The following SHISA5 variants were observed in gnomAD, a reference collection of about 807,000 sequenced individuals.
SHISA5 encodes the protein shisa family member 5, also known as protein shisa-5.
SHISA5 carries 21 observed loss-of-function variants against 27.5 expected under a neutral mutation model. That is an observed-to-expected ratio of 0.76 (90% CI 0.54 to 1.10). The LOEUF (loss-of-function observed/expected upper bound fraction) is 1.10. Ranked by LOEUF, SHISA5 falls within the 50% of genes least tolerant of loss-of-function variation. The pLI is 0.00. For missense variants in SHISA5, 314 were observed against 336.3 expected (o/e 0.93, Z 0.52); for synonymous variants, 137 against 142.2 (o/e 0.96, Z 0.26).
At chr3:48,503,275 A>C in intron 1 of SHISA5, 1 of 869,280 alleles carries the variant, frequency 1.2e-6, no homozygotes, top group Non-Finnish European at 1.7e-6. Flanking sequence ...TGAATCAGTG[A>C]CCGACCCTCC....
intron 2 of SHISA5, among the ~76,000 whole-genome samples, chr3:48,480,251 C>A (rs141763798): frequency 1.2e-3 from 174 of 146,772 alleles, no homozygotes; most frequent in Admixed American, 2.6e-3. Context: ...ACAACAACAA[C>A]AAAAAACTCC....
chr3:48,472,930 C>T (rs1252373957), intron 3 of SHISA5: 82 of 1,380,012 alleles, frequency 5.9e-5, no homozygotes, highest in Middle Eastern at 1.8e-4. Flanking sequence ...GACATGCGAC[C>T]GCAAGGCCGT....
rs745439064 is a variant in SHISA5, at chr3:48,501,306, A to G, written c.77-13T>C. The G allele has an allele frequency of 1.8e-5, 29 of 1,612,334 alleles. No homozygotes were observed. The Admixed American group carries it at 4.8e-4, about 27-fold the overall frequency. On this transcript the variant is annotated splice_polypyrimidine_tract_variant and intron_variant, in intron 1 of 5. Coordinates refer to ENST00000296444, the MANE Select transcript of SHISA5 (RefSeq NM_016479.6). ...ACCTCACCACGTGCTGGAGAGGAGA[A>G]ACACATCTGTTCACCTGTGCCCACG...
chr3:48,491,091 CG>C (rs1437788783), intron 2 of SHISA5, among the ~76,000 whole-genome samples: 2 of 104,382 alleles, frequency 1.9e-5, no homozygotes, highest in Admixed American at 1.4e-4. Flanking sequence ...CCCTTTGAGT[CG>C]TCCCACCTTT....
chr3:48,477,106 A>G (rs775307942), intron 3 of SHISA5: 5 of 354,782 alleles, frequency 1.4e-5, no homozygotes, highest in South Asian at 8.7e-5. Flanking sequence ...AACATTGAGA[A>G]AAAAAAAAAA....
At chr3:48,501,575 G>C (rs530678877) in intron 1 of SHISA5, among the ~76,000 whole-genome samples, 2 of 152,118 alleles carry the variant, frequency 1.3e-5, no homozygotes, top group African/African-American at 2.4e-5. Flanking sequence ...ATGTGAGTCT[G>C]ATGGGGCCAC....
chr3:48,500,085 G>T (rs2041709902), intron 2 of SHISA5, among the ~76,000 whole-genome samples: 1 of 151,986 alleles, frequency 6.6e-6, no homozygotes, highest in Admixed American at 6.6e-5. Context: ...CTCCATAAAA[G>T]GAGGTATACC....
chr3:48,482,965 C>A (rs2041071350), intron 2 of SHISA5, among the ~76,000 whole-genome samples: 1 of 152,130 alleles, frequency 6.6e-6, no homozygotes, highest in African/African-American at 2.4e-5. Flanking sequence ...TCATCTGTCA[C>A]CCAGGCTGGA....
intron 2 of SHISA5, among the ~76,000 whole-genome samples, chr3:48,496,728 C>T (rs1404104502): frequency 4.1e-5 from 6 of 146,708 alleles, no homozygotes; most frequent in Admixed American, 6.9e-5. Context: ...AGCTAGACTT[C>T]GTCTCAAAAA....
At chr3:48,478,193 G>T (rs2040885520) in intron 3 of SHISA5, among the ~76,000 whole-genome samples, 1 of 152,172 alleles carries the variant, frequency 6.6e-6, no homozygotes, top group South Asian at 2.1e-4. Context: ...GGAGGGGAAG[G>T]CCTGTAGAGA....
chr3:48,504,182 T>TCGCCC (rs761324745), upstream of SHISA5: 67 of 546,858 alleles, frequency 1.2e-4, no homozygotes, highest in East Asian at 1.6e-3. The surrounding 1 kb of genome is among the most constrained non-coding windows in gnomAD (Gnocchi z 4.0). Context: ...CCCCTCTCCC[T>TCGCCC]CGCCCCGCCC....
chr3:48,469,395 G>A lies in SHISA5; in HGVS notation c.609C>T (p.Pro203=), dbSNP rs142212442. 2.5e-6 allele frequency: 4 copies of A among 1,602,826 alleles called. No individual in the cohort carries two copies. Among genetic ancestry groups the A allele is most frequent in the Non-Finnish European group, 3.4e-6 (4 of 1,172,824 alleles). Residue 203 remains proline, a synonymous_variant, in exon 5 of 6, where the codon CCC becomes CCT. Transcript: ENST00000296444. This position sits in a 1 kb window ranked among gnomAD's most constrained non-coding sequence, Gnocchi z 4.6. ...TCTCGTGGTAGGCCGGTGGGCCCAT[G>A]GGCTGGGCTGGGTAAGGTGGTGGGT... ...MQYPPPYPAQ[P]MGPPAYHETL... is the part of the protein sequence containing the mutation.
intron 3 of SHISA5, among the ~76,000 whole-genome samples, chr3:48,477,765 C>G (rs771266267): frequency 1.1e-4 from 16 of 152,204 alleles, no homozygotes; most frequent in Non-Finnish European, 2.2e-4. Flanking sequence ...CAGTGTCCAG[C>G]CCCTGCTCCT....
chr3:48,479,029 A>C (rs911425588), intron 3 of SHISA5, 148 bp downstream of exon 3: 1 of 690,324 alleles, frequency 1.4e-6, no homozygotes, highest in African/African-American at 1.8e-5. Flanking sequence ...ATAAGGAGCA[A>C]GTGTCCTAGT....
At chr3:48,478,636 C>T (rs1363891476) in intron 3 of SHISA5, among the ~76,000 whole-genome samples, 5 of 152,086 alleles carry the variant, frequency 3.3e-5, no homozygotes, top group Admixed American at 6.6e-5. Flanking sequence ...CCTTGGTTCC[C>T]TGAGAGGAGA....
chr3:48,499,792 A>T (rs2041698693), intron 2 of SHISA5, among the ~76,000 whole-genome samples: 1 of 143,162 alleles, frequency 7.0e-6, no homozygotes. Flanking sequence ...TGAACCCGGG[A>T]GGCGGAGGTT....
At chr3:48,481,183 G>A (rs1407925745) in intron 2 of SHISA5, among the ~76,000 whole-genome samples, 1 of 152,098 alleles carries the variant, frequency 6.6e-6, no homozygotes, top group Admixed American at 6.6e-5. Context: ...GCTCACGCCT[G>A]TAATCCCAGC....
intron 2 of SHISA5, among the ~76,000 whole-genome samples, chr3:48,484,595 C>T (rs1246136877): frequency 1.4e-5 from 2 of 146,700 alleles, no homozygotes; most frequent in Non-Finnish European, 3.0e-5. Flanking sequence ...TGTCTCAAAA[C>T]CAAAAAATAA....
Position 48,468,865 on chromosome 3 carries a change from A to T in SHISA5, c.*242T>A. ...AGTTTGGCTTGAGATTTTAGGAAGC[A>T]TAATTTCAGGTGAGGAAGAGAACAA... On this transcript the variant is annotated 3_prime_UTR_variant, in exon 6 of 6. Transcript: ENST00000296444. 1 of 1,523,766 alleles carries T rather than the reference A, an allele frequency of 6.6e-7. No individual in the cohort carries two copies. Among genetic ancestry groups the T allele is most frequent in the South Asian group, 1.2e-5 (1 of 83,356 alleles). 94.4% of individuals were successfully genotyped at this position (1,523,766 alleles called of 1,614,324 possible).
Sources: allele counts gnomAD v4.1 joint callset (sites outside exome capture counted in the v4.1 genomes callset), GRCh38; gene constraint gnomAD v4.1.1; non-coding constraint Gnocchi (gnomAD v3.1); transcripts MANE v1.5; gene names NCBI Gene and HGNC (gene_info 2026-07-23, HGNC 2026-07-21).